Variants in MYO5B observed in about 807,000 individuals in gnomAD.
MYO5B encodes myosin VB, also known as unconventional myosin-Vb.
A neutral mutation model predicts 229.3 loss-of-function variants in MYO5B; 143 were observed. The ratio of observed to expected loss-of-function variants is 0.62; its 90% CI spans 0.54 to 0.72. The LOEUF (loss-of-function observed/expected upper bound fraction) is 0.72. Ranked by LOEUF, MYO5B falls within the 30% of genes least tolerant of loss-of-function variation. The pLI, the probability that MYO5B is intolerant of heterozygous loss-of-function variation, is 0.00. For missense variants in MYO5B, 2,321 were observed against 2,331.0 expected, an observed-to-expected ratio of 1.00 and a Z score of 0.09; for synonymous variants, 918 against 885.2, an observed-to-expected ratio of 1.04 and a Z score of -0.66.
intron 19 of MYO5B, 76 bp from the exon 20 acceptor site, chr18:49,904,904 T>G: frequency 6.5e-7 from 1 of 1,543,550 alleles, no homozygotes; most frequent in Non-Finnish European, 8.8e-7. Context: ...CTGAGACATC[T>G]GCAAATGCAA....
chr18:50,048,519 C>A (rs1334709304), intron 2 of MYO5B, among the ~76,000 whole-genome samples: 1 of 152,260 alleles, frequency 6.6e-6, no homozygotes, highest in Non-Finnish European at 1.5e-5. Context: ...AAGGGCACAG[C>A]AAACTCCTGT....
intron 8 of MYO5B, among the ~76,000 whole-genome samples, chr18:49,983,830 T>C (rs918933888): frequency 6.6e-6 from 1 of 152,208 alleles, no homozygotes; most frequent in Non-Finnish European, 1.5e-5. Context: ...AGGGTCTGGT[T>C]GCCTCCCCAT....
At chr18:50,152,788 C>A (rs1381075590) in intron 1 of MYO5B, among the ~76,000 whole-genome samples, 1 of 149,226 alleles carries the variant, frequency 6.7e-6, no homozygotes, top group East Asian at 2.0e-4. Context: ...TTCTTAAAAC[C>A]TACAAAGAGT....
At chr18:49,859,139 C>G (rs1167757076) in intron 29 of MYO5B, among the ~76,000 whole-genome samples, 1 of 152,216 alleles carries the variant, frequency 6.6e-6, no homozygotes, top group East Asian at 1.9e-4. Flanking sequence ...ATTGGGGCAA[C>G]TCCCAGCCCC....
intron 39 of MYO5B, among the ~76,000 whole-genome samples, chr18:49,828,642 G>C (rs1242068170): frequency 1.3e-5 from 2 of 151,974 alleles, no homozygotes; most frequent in Non-Finnish European, 2.9e-5. Context: ...AATGCATATG[G>C]AACAGTCTCC....
intron 8 of MYO5B, 99 bp from the exon 9 acceptor site, chr18:49,980,652 G>T (rs1164238452): frequency 3.9e-5 from 34 of 865,112 alleles, no homozygotes; most frequent in Non-Finnish European, 6.3e-5. Flanking sequence ...AATAAGGTTT[G>T]ATTTTTCTTT....
At chr18:50,175,968 AT>A (rs1399288356) in intron 1 of MYO5B, among the ~76,000 whole-genome samples, 1 of 152,230 alleles carries the variant, frequency 6.6e-6, no homozygotes, top group Non-Finnish European at 1.5e-5. Context: ...TGAATTCCAC[AT>A]GACAGCCCTG....
chr18:50,133,819 A>G (rs981648741), intron 1 of MYO5B, among the ~76,000 whole-genome samples: 16 of 152,144 alleles, frequency 1.1e-4, no homozygotes, highest in Non-Finnish European at 2.1e-4. Flanking sequence ...GTGATTCTAG[A>G]TGCAAAGTTT....
chr18:50,074,649 C>T (rs2031036425), intron 1 of MYO5B, among the ~76,000 whole-genome samples: 1 of 152,164 alleles, frequency 6.6e-6, no homozygotes, highest in African/African-American at 2.4e-5. Context: ...TGAAACATCG[C>T]CTTCCTTGAA....
At chr18:50,026,351 TG>T (rs2026331309) in intron 4 of MYO5B, among the ~76,000 whole-genome samples, 1 of 152,248 alleles carries the variant, frequency 6.6e-6, no homozygotes, top group South Asian at 2.1e-4. Flanking sequence ...AACGCTATTC[TG>T]GGGCTGCTCA....
chr18:49,931,477 C>G (rs964235875), intron 16 of MYO5B, among the ~76,000 whole-genome samples: 1 of 152,238 alleles, frequency 6.6e-6, no homozygotes, highest in African/African-American at 2.4e-5. Flanking sequence ...CTGATTTACA[C>G]AGCTCTGAAC....
intron 22 of MYO5B, among the ~76,000 whole-genome samples, chr18:49,885,396 G>A (rs2024631557): frequency 6.6e-6 from 1 of 152,136 alleles, no homozygotes; most frequent in Non-Finnish European, 1.5e-5. Flanking sequence ...TGGAGCAGAG[G>A]AGAGATGACC....
intron 13 of MYO5B, among the ~76,000 whole-genome samples, 169 bp downstream of exon 13, chr18:49,954,144 T>C (rs1177675172): frequency 1.3e-5 from 2 of 151,462 alleles, no homozygotes; most frequent in Admixed American, 1.3e-4. Flanking sequence ...GTAAGCTTGG[T>C]ATCCCCTAGA....
chr18:50,060,804 G>C (rs1474913089), intron 1 of MYO5B, among the ~76,000 whole-genome samples: 2 of 152,174 alleles, frequency 1.3e-5, no homozygotes, highest in African/African-American at 2.4e-5. Context: ...CACCTAGGGA[G>C]CTTTCACAAA....
chr18:49,928,440 T>C (rs1209232237), intron 17 of MYO5B, among the ~76,000 whole-genome samples: 2 of 152,174 alleles, frequency 1.3e-5, no homozygotes, highest in Non-Finnish European at 2.9e-5. Context: ...GGTCAGGAGT[T>C]TGAGGCTAGC....
At chr18:50,076,231 G>C (rs1318552347) in intron 1 of MYO5B, among the ~76,000 whole-genome samples, 1 of 152,182 alleles carries the variant, frequency 6.6e-6, no homozygotes, top group African/African-American at 2.4e-5. Context: ...ACGCTCAGGA[G>C]GCCGTCAAGA....
In MYO5B at chr18:49,974,517, C is replaced by T. The variant is rs749777161; in HGVS notation, c.1155G>A (p.Ser385=). The T allele has an allele frequency of 8.7e-6, 14 of 1,614,026 alleles. No individual in the cohort carries two copies. Among genetic ancestry groups the T allele is most frequent in the Non-Finnish European group, 1.2e-5 (14 of 1,180,032 alleles). ...GGGACATGGTCTTGACGTAGGTCTC[C>T]GAGGTGGTGACCAGCTTGCGATGAC... ...WLCHRKLVTT[S]ETYVKTMSLQ... Residue 385 remains serine, a synonymous_variant, in exon 10 of 40, where the codon TCG becomes TCA. Transcript: ENST00000285039.
intron 21 of MYO5B, among the ~76,000 whole-genome samples, chr18:49,901,477 G>A (rs2024840899): frequency 6.6e-6 from 1 of 152,196 alleles, no homozygotes; most frequent in Admixed American, 6.5e-5. Context: ...TGGGAAGGTG[G>A]CCAGGGTAGA....
intron 22 of MYO5B, among the ~76,000 whole-genome samples, chr18:49,880,712 C>T (rs2024577156): frequency 1.3e-5 from 2 of 152,230 alleles, no homozygotes; most frequent in Admixed American, 6.5e-5. Flanking sequence ...CACAAGCTCA[C>T]ATGCCTTGTT....
Sources: allele counts gnomAD v4.1 joint callset (sites outside exome capture counted in the v4.1 genomes callset), GRCh38; gene constraint gnomAD v4.1.1; transcripts MANE v1.5; gene names NCBI Gene and HGNC (gene_info 2026-07-23, HGNC 2026-07-21).